Variants in CREM observed in about 807,000 individuals in gnomAD.
The protein encoded by CREM is cAMP-responsive element modulator.
A neutral mutation model predicts 37.3 loss-of-function variants in CREM; 13 were observed. That is an observed-to-expected ratio of 0.35 (90% CI 0.23 to 0.55). The LOEUF is 0.55. Ranked by LOEUF, CREM falls within the 20% of genes least tolerant of loss-of-function variation. The probability of loss-of-function intolerance (pLI) is 0.88; values close to 1 mark genes in which losing one functional copy is unlikely to be tolerated. For missense variants in CREM, 296 were observed against 362.3 expected (o/e 0.82, Z 1.49); for synonymous variants, 124 against 120.2 (o/e 1.03, Z -0.21).
At chr10:35,129,436 A>T (rs1185935254) in intron 1 of CREM, among the ~76,000 whole-genome samples, 3 of 152,208 alleles carry the variant, frequency 2.0e-5, no homozygotes, top group Non-Finnish European at 4.4e-5. Context: ...CCATTTCATG[A>T]AAAGTAGGGA....
At chr10:35,189,177 G>GTTTTTTTT (rs201302253) in intron 6 of CREM, among the ~76,000 whole-genome samples, 2 of 144,254 alleles carry the variant, frequency 1.4e-5, no homozygotes, top group East Asian at 2.0e-4. Flanking sequence ...TGGGTTTTTT[G>GTTTTTTTT]TTTTTTTTTG....
At chr10:35,184,602 G>C (rs192559864) in intron 5 of CREM, among the ~76,000 whole-genome samples, 3 of 152,266 alleles carry the variant, frequency 2.0e-5, no homozygotes, top group African/African-American at 7.2e-5. Flanking sequence ...TCTCACTAGA[G>C]CCAGTGTGTG....
intron 3 of CREM, chr10:35,175,682 C>T (rs1338785599): frequency 3.1e-6 from 5 of 1,613,936 alleles, no homozygotes; most frequent in African/African-American, 1.3e-5. Context: ...ATGACTGTTC[C>T]AGGACAGTAA....
chr10:35,186,209 C>T (rs1013985822), intron 5 of CREM, among the ~76,000 whole-genome samples: 8 of 152,122 alleles, frequency 5.3e-5, no homozygotes, highest in Non-Finnish European at 1.0e-4. Context: ...TTAATATCTA[C>T]TGTTTGAAGC....
At chr10:35,161,732 T>C (rs1335304323) in intron 3 of CREM, among the ~76,000 whole-genome samples, 2 of 152,008 alleles carry the variant, frequency 1.3e-5, no homozygotes, top group East Asian at 3.9e-4. Context: ...AGATATCACC[T>C]TCCTCTTGTT....
At chr10:35,136,684 C>T (rs2090570041) in intron 1 of CREM, among the ~76,000 whole-genome samples, 1 of 151,904 alleles carries the variant, frequency 6.6e-6, no homozygotes. Context: ...ACTCTGAAAG[C>T]AATGTGTCTG....
chr10:35,136,869 G>C (rs2090616473), intron 1 of CREM, among the ~76,000 whole-genome samples: 1 of 150,140 alleles, frequency 6.7e-6, no homozygotes, highest in African/African-American at 2.5e-5. Flanking sequence ...CACCTAGGCT[G>C]GAGTACAGAG....
chr10:35,137,862 T>C lies in CREM; in HGVS notation c.27T>C (p.Tyr9=). ...TGAGCAAATGTGCAAGGAAAAAATATATTAAGACAAATCCAAGGTAGGTAG... is the reference window on the plus strand; with the variant it reads ...TGAGCAAATGTGCAAGGAAAAAATACATTAAGACAAATCCAAGGTAGGTAG... MSKCARKK[Y]IKTNPRQMTM... is the part of the protein sequence containing the mutation. The change falls in exon 2 of 8, where the codon TAT becomes TAC. Residue 9 remains tyrosine (Y), a synonymous_variant. Coordinates refer to ENST00000685392, the MANE Select transcript of CREM (RefSeq NM_183011.2). 1.3e-6 allele frequency: 2 copies of C among 1,590,884 alleles called. No individual in the cohort carries two copies. The highest frequency in any genetic ancestry group is 1.7e-6 in the Non-Finnish European group (2 of 1,167,984).
intron 7 of CREM, among the ~76,000 whole-genome samples, chr10:35,209,051 A>C (rs2095605162): frequency 6.6e-6 from 1 of 152,234 alleles, no homozygotes; most frequent in Admixed American, 6.5e-5. Context: ...GGTCAAGATC[A>C]CATGGCCCAA....
intron 3 of CREM, among the ~76,000 whole-genome samples, chr10:35,150,289 A>G (rs922010800): frequency 2.6e-5 from 4 of 151,752 alleles, no homozygotes; most frequent in African/African-American, 9.7e-5. Context: ...TCAGCTTCCC[A>G]AAGTGCTGGA....
intron 3 of CREM, among the ~76,000 whole-genome samples, chr10:35,172,987 AGCTT>A (rs2093893023): frequency 1.3e-5 from 2 of 152,224 alleles, no homozygotes; most frequent in Non-Finnish European, 2.9e-5. Flanking sequence ...TGCCATTGTG[AGCTT>A]GACAATATTC....
intron 6 of CREM, among the ~76,000 whole-genome samples, chr10:35,190,027 C>T (rs1390480391): frequency 6.6e-6 from 1 of 152,126 alleles, no homozygotes; most frequent in African/African-American, 2.4e-5. Context: ...AAATGAAAGC[C>T]ACCTGTTCTA....
chr10:35,187,099 TGATATATATTATATAAA>T (rs2094626882), intron 5 of CREM, among the ~76,000 whole-genome samples: 1 of 50,506 alleles, frequency 2.0e-5, no homozygotes, highest in Non-Finnish European at 3.8e-5. Flanking sequence ...ATAATATATA[TGATATATATTATATAAA>T]TATATAAATA....
chr10:35,196,182 TTTACTC>T, intron 6 of CREM: 1 of 1,424,124 alleles, frequency 7.0e-7, no homozygotes, highest in Non-Finnish European at 9.8e-7. Flanking sequence ...TGGCGGGTTC[TTTACTC>T]TTACTCCATC....
intron 3 of CREM, among the ~76,000 whole-genome samples, chr10:35,163,283 A>G (rs1214545192): frequency 2.0e-5 from 3 of 152,200 alleles, no homozygotes; most frequent in Non-Finnish European, 4.4e-5. Flanking sequence ...ACTATTGGAT[A>G]TGGTAATATA....
At chr10:35,171,818 G>C (rs935197532) in intron 3 of CREM, among the ~76,000 whole-genome samples, 12 of 152,216 alleles carry the variant, frequency 7.9e-5, no homozygotes, top group African/African-American at 2.9e-4. Flanking sequence ...AGCTTTGGGA[G>C]CTCCTTAATT....
At chr10:35,203,760 A>G (rs991470762) in intron 6 of CREM, among the ~76,000 whole-genome samples, 5 of 151,460 alleles carry the variant, frequency 3.3e-5, no homozygotes, top group Admixed American at 6.6e-5. Flanking sequence ...GCTTTTGTAT[A>G]TATCATGGAA....
At chr10:35,201,544 A>G in intron 6 of CREM, 1 of 1,550,356 alleles carries the variant, frequency 6.5e-7, no homozygotes, top group African/African-American at 1.4e-5. Context: ...TTTCTGCTGT[A>G]CCGTGTTTAA....
At chr10:35,181,693 G>C (rs1216819199) in intron 5 of CREM, among the ~76,000 whole-genome samples, 1 of 152,170 alleles carries the variant, frequency 6.6e-6, no homozygotes, top group Non-Finnish European at 1.5e-5. Flanking sequence ...GGGCAATAGA[G>C]TGAGACCCTG....
Sources: gnomAD v4.1 joint callset for allele counts (sites outside exome capture counted in the v4.1 genomes callset) on GRCh38, gnomAD v4.1.1 for gene constraint, MANE v1.5 for transcripts, NCBI Gene and HGNC (gene_info 2026-07-23, HGNC 2026-07-21) for gene names.